Variants in ESCO2 observed in about 807,000 individuals in gnomAD.
ESCO2 encodes the protein N-acetyltransferase ESCO2.
ESCO2 carries 51 observed loss-of-function variants against 61.7 expected under a neutral mutation model. That is an observed-to-expected ratio of 0.83 (90% CI 0.66 to 1.04). ESCO2 has a LOEUF of 1.04. Ranked by LOEUF, ESCO2 falls within the 50% of genes least tolerant of loss-of-function variation. ESCO2 has a pLI of 0.00. For missense variants in ESCO2, 692 were observed against 686.2 expected (o/e 1.01, Z -0.09); for synonymous variants, 230 against 238.2 (o/e 0.97, Z 0.32).
chr8:27,773,879 A>G (rs1563466683), upstream of ESCO2: 1 of 152,232 alleles, frequency 6.6e-6, no homozygotes, highest in Non-Finnish European at 1.5e-5. Flanking sequence ...TGGTTTTCCA[A>G]AGTAAGAATT....
At position 27,804,005 on chromosome 8, in the gene ESCO2, G is replaced by T; in HGVS notation, c.*567G>T. 1.0e-6 allele frequency: 1 copy of T among 987,020 alleles called. No individual in the cohort carries two copies. Among genetic ancestry groups the T allele is most frequent in the Non-Finnish European group, 1.2e-6 (1 of 831,408 alleles). 61.1% of individuals were successfully genotyped at this position (987,020 alleles called of 1,614,324 possible). A position where few individuals can be genotyped will look rare whatever the true frequency, so the allele number is the denominator to read the frequency against. ...ATCCTCCCAAAACGCTGGGATTACA[G>T]TCATGAGCCACCGTGCCCAGCCTAA... On this transcript the variant is annotated 3_prime_UTR_variant, in exon 11 of 11. Transcript: ENST00000305188.
At chr8:27,779,571 T>C (rs1216358073) in intron 3 of ESCO2, 3 of 152,286 alleles carry the variant, frequency 2.0e-5, no homozygotes, top group Non-Finnish European at 4.4e-5. Context: ...ACTGGCTTTT[T>C]TGTTCATTTC....
rs1189081593 is a variant in ESCO2, at chr8:27,776,855, C to T, written c.547C>T (p.His183Tyr). The T allele has an allele frequency of 6.2e-7, 1 of 1,614,114 alleles. No homozygotes were observed. The highest frequency in any genetic ancestry group is 8.5e-7 in the Non-Finnish European group (1 of 1,180,032). ...KPIVEKENNC[H>Y]SAENNSNAPR... is the part of the protein sequence containing the mutation. ...AATTGTGGAGAAGGAAAATAATTGT[C>T]ATTCAGCTGAAAATAATTCCAATGC... Residue 183 changes from histidine to tyrosine, a missense_variant, in exon 3 of 11, where the codon CAT (histidine) becomes TAT (tyrosine). Physicochemically the swap from His to Tyr is moderately conservative, Grantham distance 83. Transcript: ENST00000305188.
chr8:27,772,444 G>A (rs192598689), upstream of ESCO2: 183 of 1,468,232 alleles, frequency 1.2e-4, no homozygotes, highest in East Asian at 3.7e-3. Context: ...AGGCGCAGCG[G>A]CGGACTGCGG....
At chr8:27,818,041 C>T in the ESCO2 span, among the ~76,000 whole-genome samples, 1 of 152,228 alleles carries the variant, frequency 6.6e-6, no homozygotes, top group Non-Finnish European at 1.5e-5. Context: ...TTGGACAGTA[C>T]CACTCCAATG....
At chr8:27,774,491 T>C (rs1431086732), upstream of ESCO2, 1 of 152,252 alleles carries the variant, frequency 6.6e-6, no homozygotes, top group East Asian at 1.9e-4. Flanking sequence ...CTGGAAGCGC[T>C]GAGCCGTGGC....
chr8:27,787,303 A>G (rs1805066987), intron 5 of ESCO2, among the ~76,000 whole-genome samples: 1 of 151,452 alleles, frequency 6.6e-6, no homozygotes, highest in South Asian at 2.1e-4. Context: ...TCTCAACTAC[A>G]GCTATCCAGC....
At chr8:27,791,661 TC>T (rs1483845206) in intron 7 of ESCO2, among the ~76,000 whole-genome samples, 6 of 152,302 alleles carry the variant, frequency 3.9e-5, no homozygotes, top group Non-Finnish European at 7.4e-5. Flanking sequence ...CCTCAAGTGA[TC>T]CACCCACCCG....
downstream of ESCO2, chr8:27,810,563 T>C (rs1426988259): frequency 2.2e-6 from 2 of 911,174 alleles, no homozygotes; most frequent in Non-Finnish European, 3.4e-6. Flanking sequence ...AAAAGTTTAA[T>C]AGCTCACCCT....
Position 27,780,402 on chromosome 8 carries a change from C to G in ESCO2, c.955+135C>G. 4.6e-6 allele frequency: 3 copies of G among 645,572 alleles called. No homozygotes were observed. The South Asian group carries it at 5.5e-5, about 12-fold the overall frequency. The allele number at this position is 645,572 out of a possible 1,614,324, so 40.0% of individuals were successfully genotyped here. On this transcript the variant is annotated intron_variant, in intron 4 of 10. Coordinates refer to ENST00000305188, the MANE Select transcript of ESCO2 (RefSeq NM_001017420.3). ...CTGTGGTTAGTATCTTTGTTTATCTCTGTGACACTGTTTTCTGTAGTAAAG... is the reference window on the plus strand; with the variant it reads ...CTGTGGTTAGTATCTTTGTTTATCTGTGTGACACTGTTTTCTGTAGTAAAG...
rs373154470 is a variant in ESCO2, at chr8:27,800,018, G to GA, written c.1673+308dup. Among the ~76,000 whole-genome samples the GA allele has an allele frequency of 2.3e-3, 356 of 151,912 alleles. 3 individuals are homozygous for GA. Among genetic ancestry groups the GA allele is most frequent in the African/African-American group, 8.3e-3 (344 of 41,464 alleles). On this transcript the variant is annotated intron_variant, in intron 10 of 10. Coordinates refer to ENST00000305188, the MANE Select transcript of ESCO2 (RefSeq NM_001017420.3). ...AAAAATGGATTGCTAGAAAAAAATA[G>GA]AAAAAACAAAACTACAATCTCAAAT... is the stretch of plus-strand genomic sequence containing the variant.
At chr8:27,817,356 C>T (rs929576684), downstream of ESCO2, among the ~76,000 whole-genome samples, 8 of 152,020 alleles carry the variant, frequency 5.3e-5, no homozygotes, top group African/African-American at 1.2e-4. Flanking sequence ...AGTCTTGCTC[C>T]GGCTCAGAAA....
rs1014299923 is a variant in ESCO2 at position 27,804,836 on chromosome 8, T to G, written c.*1398T>G. 1 of 875,274 alleles carries G rather than the reference T, an allele frequency of 1.1e-6. No homozygotes were observed. Among genetic ancestry groups the G allele is most frequent in the Non-Finnish European group, 1.4e-6 (1 of 729,428 alleles). The allele number at this position is 875,274 out of a possible 1,614,324, so 54.2% of individuals were successfully genotyped here. ...TTCTTTTAAATATTTTATTTAAAAT[T>G]TTTAATTAACATTTTGTTTGCTTAA... On this transcript the variant is annotated 3_prime_UTR_variant, in exon 11 of 11. Coordinates refer to ENST00000305188, the MANE Select transcript of ESCO2 (RefSeq NM_001017420.3).
At chr8:27,789,464 G>T (rs1414215367) in intron 7 of ESCO2, among the ~76,000 whole-genome samples, 6 of 152,050 alleles carry the variant, frequency 3.9e-5, no homozygotes, top group Non-Finnish European at 7.4e-5. Flanking sequence ...TTCCCATAGT[G>T]CTACCAGAAA....
Position 27,776,485 on chromosome 8 carries a change from G to C in ESCO2, c.177G>C (p.Ala59=). The C allele has an allele frequency of 6.2e-7, 1 of 1,613,026 alleles. No individual in the cohort carries two copies. Among genetic ancestry groups the C allele is most frequent in the Non-Finnish European group, 8.5e-7 (1 of 1,179,698 alleles). Residue 59 remains alanine, a synonymous_variant, in exon 3 of 11, where the codon GCG becomes GCC. Transcript: ENST00000305188. ...AACAAGAGCATTTTGTTTTAAGTGC[G>C]CTCAAAACAACTGAAATAAATAGAC... ...CSQQEHFVLS[A]LKTTEINRLP...
chr8:27,798,644 AATG>A (rs1297841123), intron 9 of ESCO2, among the ~76,000 whole-genome samples: 2 of 152,198 alleles, frequency 1.3e-5, no homozygotes, highest in African/African-American at 4.8e-5. Context: ...GCTTTAGGTG[AATG>A]ATAAGCTATG....
downstream of ESCO2, chr8:27,810,413 A>T (rs1363589320): frequency 1.2e-6 from 2 of 1,604,682 alleles, no homozygotes; most frequent in East Asian, 4.5e-5. Context: ...GGTATGATTC[A>T]TCCAGTTCTT....
downstream of ESCO2, chr8:27,809,697 T>G (rs1042858801): frequency 2.0e-5 from 3 of 152,170 alleles, no homozygotes; most frequent in Admixed American, 2.0e-4. Context: ...GGGAAATGCT[T>G]AAGGTACAAA....
chr8:27,794,950 G>T (rs1439265856), intron 9 of ESCO2, among the ~76,000 whole-genome samples: 1 of 152,100 alleles, frequency 6.6e-6, no homozygotes, highest in Non-Finnish European at 1.5e-5. Flanking sequence ...AATGCCAGTA[G>T]GAGTGCAGTG....
Sources: gnomAD v4.1 joint callset for allele counts (sites outside exome capture counted in the v4.1 genomes callset) on GRCh38, gnomAD v4.1.1 for gene constraint, MANE v1.5 for transcripts, NCBI Gene and HGNC (gene_info 2026-07-23, HGNC 2026-07-21) for gene names.